NARS2: variants seen among roughly 807,000 people sequenced by gnomAD.
NARS2 encodes asparaginyl-tRNA synthetase 2, mitochondrial, also known as asparaginyl-tRNA synthetase.
In NARS2, 60 loss-of-function variants were observed where a neutral mutation model predicts 62.9. The observed-to-expected ratio is 0.95, with a 90% CI of 0.77 to 1.18. The LOEUF is 1.18. NARS2 is among the 50% of genes most tolerant of loss of function. NARS2 has a pLI of 0.00. For synonymous variants in NARS2, 196 were observed against 200.0 expected, an observed-to-expected ratio of 0.98 and a Z score of 0.17; for missense variants, 619 against 576.4, an observed-to-expected ratio of 1.07 and a Z score of -0.76.
intron 6 of NARS2, among the ~76,000 whole-genome samples, chr11:78,519,098 C>T (rs890212295): frequency 6.6e-6 from 1 of 152,110 alleles, no homozygotes; most frequent in Non-Finnish European, 1.5e-5. Flanking sequence ...ATGAGAAAGT[C>T]TTATAAGCAG....
chr11:78,544,937 G>A (rs868366617), intron 5 of NARS2, among the ~76,000 whole-genome samples: 1 of 151,892 alleles, frequency 6.6e-6, no homozygotes, highest in Admixed American at 6.6e-5. Flanking sequence ...GTGAGATCGC[G>A]CCACTGCACT....
intron 11 of NARS2, among the ~76,000 whole-genome samples, chr11:78,447,005 C>T (rs190066729): frequency 1.5e-4 from 22 of 149,762 alleles, no homozygotes; most frequent in Admixed American, 6.6e-4. Flanking sequence ...AAGAAAATAA[C>T]GTGATTAAAA....
At chr11:78,518,147 A>G (rs1860981613) in intron 6 of NARS2, among the ~76,000 whole-genome samples, 2 of 152,264 alleles carry the variant, frequency 1.3e-5, no homozygotes, top group African/African-American at 4.8e-5. Flanking sequence ...TACAAATTTT[A>G]AAAATACAGT....
At chr11:78,459,569 C>T (rs953975910) in intron 11 of NARS2, among the ~76,000 whole-genome samples, 3 of 152,240 alleles carry the variant, frequency 2.0e-5, no homozygotes, top group Non-Finnish European at 4.4e-5. Flanking sequence ...CGCGCCCAGC[C>T]GATCTGATGG....
intron 11 of NARS2, among the ~76,000 whole-genome samples, chr11:78,465,408 C>T (rs963899124): frequency 9.8e-5 from 15 of 152,364 alleles, no homozygotes; most frequent in South Asian, 4.1e-4. Flanking sequence ...GCGCCAAGGC[C>T]GAGGAGGCGC....
rs1401437309 is a variant in NARS2 at position 78,552,860 on chromosome 11, C to G, written c.594+6679G>C. Among the ~76,000 whole-genome samples, 3 of 152,214 alleles carry G rather than the reference C, an allele frequency of 2.0e-5. No homozygotes were observed. In the East Asian group the frequency reaches 5.8e-4, roughly 29 times the overall value. ...TGAGGCTGTGTCACAGGCACGCATCCTCAACTTTGGGAAAATCAACTTCCT... is the reference window on the plus strand; with the variant it reads ...TGAGGCTGTGTCACAGGCACGCATCGTCAACTTTGGGAAAATCAACTTCCT... On this transcript the variant is annotated intron_variant, in intron 5 of 13. Transcript: ENST00000281038.
At chr11:78,572,953 G>A (rs1254010590) in intron 1 of NARS2, among the ~76,000 whole-genome samples, 1 of 152,168 alleles carries the variant, frequency 6.6e-6, no homozygotes, top group African/African-American at 2.4e-5. Flanking sequence ...GTGGCTGGTA[G>A]CTACCATATC....
At chr11:78,505,270 ACACACACACACAC>A (rs2135370264) in intron 6 of NARS2, among the ~76,000 whole-genome samples, 1 of 462 alleles carries the variant, frequency 2.2e-3, no homozygotes, top group Non-Finnish European at 6.2e-3. Context: ...AAAACAAAAT[ACACACACACACAC>A]ACACACACAC....
intron 6 of NARS2, among the ~76,000 whole-genome samples, chr11:78,515,881 G>C (rs1037176548): frequency 4.6e-5 from 7 of 152,068 alleles, no homozygotes; most frequent in Non-Finnish European, 7.4e-5. Context: ...TCTCAATAAA[G>C]TTGTTCTTTA....
intron 6 of NARS2, among the ~76,000 whole-genome samples, chr11:78,505,470 T>C (rs925820814): frequency 4.6e-5 from 7 of 152,072 alleles, no homozygotes; most frequent in African/African-American, 1.4e-4. Context: ...TTTTTTTAAC[T>C]GATTTTTCCC....
At chr11:78,467,171 GAA>G (rs1434059577) in intron 10 of NARS2, among the ~76,000 whole-genome samples, 1 of 152,154 alleles carries the variant, frequency 6.6e-6, no homozygotes, top group Admixed American at 6.5e-5. Context: ...ACTGGAATAG[GAA>G]AAGAGTTTTG....
intron 7 of NARS2, among the ~76,000 whole-genome samples, chr11:78,484,207 A>C (rs2135288226): frequency 6.6e-6 from 1 of 152,294 alleles, no homozygotes; most frequent in African/African-American, 2.4e-5. Flanking sequence ...CAGAAACTGG[A>C]CCCCTTCCTT....
At chr11:78,558,555 T>C (rs1476578504) in intron 5 of NARS2, 3 of 152,234 alleles carry the variant, frequency 2.0e-5, no homozygotes, top group Admixed American at 6.5e-5. Flanking sequence ...GTACCACTCA[T>C]GATCATACCA....
At chr11:78,495,142 A>C (rs1860005366) in intron 6 of NARS2, among the ~76,000 whole-genome samples, 1 of 152,130 alleles carries the variant, frequency 6.6e-6, no homozygotes, top group African/African-American at 2.4e-5. Flanking sequence ...GTCAGCCCTA[A>C]TTTTAAAATC....
intron 6 of NARS2, among the ~76,000 whole-genome samples, chr11:78,505,605 A>C (rs1377614587): frequency 6.6e-6 from 1 of 152,182 alleles, no homozygotes; most frequent in African/African-American, 2.4e-5. Context: ...GTATCTTATC[A>C]TCATTATCTA....
intron 9 of NARS2, among the ~76,000 whole-genome samples, chr11:78,472,487 T>C (rs2063726): frequency 0.24 from 36,052 of 152,074 alleles, 4,618 homozygotes; most frequent in East Asian, 0.42. Context: ...GTACTCTACA[T>C]TTTCAGAACC....
intron 6 of NARS2, among the ~76,000 whole-genome samples, chr11:78,513,397 C>T (rs999110872): frequency 6.6e-6 from 1 of 151,542 alleles, no homozygotes; most frequent in African/African-American, 2.4e-5. Context: ...TGCACACCTG[C>T]CCACTACCCT....
chr11:78,564,316 T>C (rs1301571365), intron 4 of NARS2, among the ~76,000 whole-genome samples: 1 of 151,774 alleles, frequency 6.6e-6, no homozygotes, highest in Non-Finnish European at 1.5e-5. Flanking sequence ...CTGCCTCAGC[T>C]TCCTGAGTAG....
intron 7 of NARS2, among the ~76,000 whole-genome samples, chr11:78,486,984 T>C (rs7947852): frequency 0.35 from 53,479 of 152,002 alleles, 12,593 homozygotes; most frequent in African/African-American, 0.66. Context: ...CTCATTATCA[T>C]AATGAAGACA....
Sources: gnomAD v4.1 joint callset for allele counts (sites outside exome capture counted in the v4.1 genomes callset) on GRCh38, gnomAD v4.1.1 for gene constraint, MANE v1.5 for transcripts, NCBI Gene and HGNC (gene_info 2026-07-23, HGNC 2026-07-21) for gene names.